The following NKAIN2 variants were observed in gnomAD, a reference collection of about 807,000 sequenced individuals.
The protein encoded by NKAIN2 is sodium/potassium transporting ATPase interacting 2, also known as sodium/potassium-transporting ATPase subunit beta-1-interacting protein 2.
A neutral mutation model predicts 32.6 loss-of-function variants in NKAIN2; 14 were observed. The ratio of observed to expected loss-of-function variants is 0.43; its 90% CI spans 0.28 to 0.67. The LOEUF (loss-of-function observed/expected upper bound fraction) is 0.67. Among genes scored for constraint, NKAIN2 ranks in the 30% least tolerant of loss-of-function variants. The pLI, the probability that NKAIN2 is intolerant of heterozygous loss-of-function variation, is 0.17. For missense variants in NKAIN2, 198 were observed against 258.3 expected, an observed-to-expected ratio of 0.77 and a Z score of 1.60; for synonymous variants, 80 against 87.2, an observed-to-expected ratio of 0.92 and a Z score of 0.46.
chr6:124,618,893 T>C lies in NKAIN2; in HGVS notation c.274-39293T>C, dbSNP rs149244241. ...ATATTCACAAACCATTTCTTCTCAA[T>C]AGTTTGTTTTGGCATTATTAACATG... On this transcript the variant is annotated intron_variant, in intron 3 of 6. Transcript: ENST00000368417. Among the ~76,000 whole-genome samples the C allele has an allele frequency of 2.6e-3, 399 of 152,300 alleles. 10 individuals are homozygous for C. Among genetic ancestry groups the C allele is most frequent in the Admixed American group, 0.024 (365 of 15,288 alleles).
chr6:123,989,380 A>G lies in NKAIN2; in HGVS notation c.54+185126A>G, dbSNP rs1779316931. On this transcript the variant is annotated intron_variant, in intron 1 of 6. Coordinates refer to ENST00000368417, the MANE Select transcript of NKAIN2 (RefSeq NM_001040214.3). ...AATTGAGAAGTAGTTCAAGGACTTG[A>G]GCGACATTGTTATAATGGAAAGAGT... Among the ~76,000 whole-genome samples the G allele has an allele frequency of 2.0e-5, 3 of 152,202 alleles. No individual in the cohort carries two copies. In the South Asian group the frequency reaches 6.2e-4, roughly 31 times the overall value.
intron 3 of NKAIN2, among the ~76,000 whole-genome samples, chr6:124,523,356 C>A (rs558893404): frequency 6.6e-6 from 1 of 151,940 alleles, no homozygotes; most frequent in South Asian, 2.1e-4. Context: ...CCTTTGTTCT[C>A]ATTCCTTAGG....
chr6:124,443,056 GTT>G (rs148743542), intron 3 of NKAIN2, among the ~76,000 whole-genome samples: 397 of 152,144 alleles, frequency 2.6e-3, no homozygotes, highest in Non-Finnish European at 4.0e-3. Flanking sequence ...ATAAGGTATT[GTT>G]TGCTTTTCTT....
At chr6:123,880,893 A>G (rs1282426488) in intron 1 of NKAIN2, among the ~76,000 whole-genome samples, 1 of 152,250 alleles carries the variant, frequency 6.6e-6, no homozygotes, top group African/African-American at 2.4e-5. Context: ...CAACTAATTC[A>G]GAGATATTCT....
At chr6:124,739,297 C>A (rs1480702330) in intron 4 of NKAIN2, among the ~76,000 whole-genome samples, 1 of 151,820 alleles carries the variant, frequency 6.6e-6, no homozygotes, top group Non-Finnish European at 1.5e-5. Context: ...AAAAACACAT[C>A]TTCACCTTTC....
At chr6:124,165,978 C>T (rs1385276329) in intron 1 of NKAIN2, among the ~76,000 whole-genome samples, 12 of 105,134 alleles carry the variant, frequency 1.1e-4, no homozygotes, top group African/African-American at 4.1e-4. Flanking sequence ...AATAAACATA[C>T]GTGTGCATGT....
At chr6:124,638,993 CTAA>C (rs973402929) in intron 3 of NKAIN2, among the ~76,000 whole-genome samples, 3 of 151,044 alleles carry the variant, frequency 2.0e-5, no homozygotes, top group African/African-American at 7.3e-5. Flanking sequence ...ATCAGCACCA[CTAA>C]TAATCAGGGA....
intron 2 of NKAIN2, among the ~76,000 whole-genome samples, chr6:124,346,812 T>C (rs1798446985): frequency 6.6e-6 from 1 of 152,050 alleles, no homozygotes. Context: ...TGCCTTTTAA[T>C]TGGAGCATTT....
intron 1 of NKAIN2, among the ~76,000 whole-genome samples, chr6:124,031,147 A>G (rs553123013): frequency 6.6e-6 from 1 of 152,200 alleles, no homozygotes; most frequent in Middle Eastern, 3.4e-3. Flanking sequence ...TAAATGACAA[A>G]TTTTATTATT....
chr6:124,757,077 G>C (rs1646763296), intron 4 of NKAIN2, among the ~76,000 whole-genome samples: 1 of 131,972 alleles, frequency 7.6e-6, no homozygotes, highest in South Asian at 2.4e-4. Flanking sequence ...GTATTCATTT[G>C]TAATCTTTTC....
intron 1 of NKAIN2, among the ~76,000 whole-genome samples, chr6:124,182,633 G>T (rs1054760110): frequency 6.6e-6 from 1 of 152,072 alleles, no homozygotes; most frequent in African/African-American, 2.4e-5. Context: ...TATTTGAAAA[G>T]AAGCCAATAA....
chr6:123,906,262 T>TTTCTTCTTC, intron 1 of NKAIN2, among the ~76,000 whole-genome samples: 1 of 152,056 alleles, frequency 6.6e-6, no homozygotes, highest in African/African-American at 2.4e-5. Flanking sequence ...TTAGCACCAC[T>TTTCTTCTTC]TTCTTCTTCT....
intron 4 of NKAIN2, among the ~76,000 whole-genome samples, chr6:124,736,130 T>TCA (rs1776925563): frequency 1.3e-5 from 2 of 151,972 alleles, no homozygotes; most frequent in South Asian, 4.2e-4. Flanking sequence ...AATAAACATA[T>TCA]AAATGATAAG....
At chr6:124,145,398 A>T (rs1284448158) in intron 1 of NKAIN2, among the ~76,000 whole-genome samples, 2 of 152,236 alleles carry the variant, frequency 1.3e-5, no homozygotes, top group Non-Finnish European at 2.9e-5. Context: ...GGTTTAATAA[A>T]CTGTGGTATA....
intron 4 of NKAIN2, among the ~76,000 whole-genome samples, chr6:124,778,978 T>C (rs1039109241): frequency 6.6e-6 from 1 of 152,070 alleles, no homozygotes; most frequent in Non-Finnish European, 1.5e-5. Context: ...ATAGTTATGA[T>C]TTTTTTATCT....
rs543771011 is a variant in NKAIN2 at position 124,310,579 on chromosome 6, G to A, written c.192+27437G>A. ...AAAATATTACTGTCCCTTGGAGGAC[G>A]TTAGGAACCTACAATGAATTTGAAA... On this transcript the variant is annotated intron_variant, in intron 2 of 6. Transcript: ENST00000368417. Among the ~76,000 whole-genome samples, 8 of 152,174 alleles carry A rather than the reference G, an allele frequency of 5.3e-5. No homozygotes were observed. In the South Asian group the frequency reaches 1.7e-3, roughly 32 times the overall value.
At chr6:124,036,629 G>A (rs1045517511) in intron 1 of NKAIN2, among the ~76,000 whole-genome samples, 2 of 151,964 alleles carry the variant, frequency 1.3e-5, no homozygotes, top group Non-Finnish European at 2.9e-5. Flanking sequence ...TCTATTTTAA[G>A]TTCCTTTACA....
At chr6:124,697,691 T>C (rs1774566644) in intron 4 of NKAIN2, among the ~76,000 whole-genome samples, 1 of 152,336 alleles carries the variant, frequency 6.6e-6, no homozygotes, top group South Asian at 2.1e-4. Flanking sequence ...CTATATTGTT[T>C]CTGTTTCAAA....
chr6:124,750,426 T>A (rs1562362398), intron 4 of NKAIN2, among the ~76,000 whole-genome samples: 1 of 151,942 alleles, frequency 6.6e-6, no homozygotes, highest in Non-Finnish European at 1.5e-5. Flanking sequence ...TGAAAGAATG[T>A]CTTGTTTATC....
Sources: allele counts gnomAD v4.1 joint callset (sites outside exome capture counted in the v4.1 genomes callset), GRCh38; gene constraint gnomAD v4.1.1; transcripts MANE v1.5; gene names NCBI Gene and HGNC (gene_info 2026-07-23, HGNC 2026-07-21).